The following THSD4 variants were observed in gnomAD, a reference collection of about 807,000 sequenced individuals.
The protein encoded by THSD4 is thrombospondin type-1 domain-containing protein 4.
A neutral mutation model predicts 119.0 loss-of-function variants in THSD4; 69 were observed. That is an observed-to-expected ratio of 0.58 (90% CI 0.48 to 0.71). The LOEUF is 0.71. Among genes scored for constraint, THSD4 ranks in the 30% least tolerant of loss-of-function variants. The pLI is 0.00. For missense variants in THSD4, 1,393 were observed against 1,391.1 expected (o/e 1.00, Z -0.02); for synonymous variants, 524 against 540.4 (o/e 0.97, Z 0.42).
intron 7 of THSD4, among the ~76,000 whole-genome samples, chr15:71,636,191 G>A (rs1394669814): frequency 2.0e-5 from 3 of 152,200 alleles, no homozygotes; most frequent in Non-Finnish European, 2.9e-5. Flanking sequence ...GGAGGCCGAG[G>A]CGGGTGGATC....
At chr15:71,409,877 T>C (rs184053606) in intron 6 of THSD4, among the ~76,000 whole-genome samples, 32 of 141,858 alleles carry the variant, frequency 2.3e-4, no homozygotes, top group Non-Finnish European at 4.8e-4. Context: ...TAGTCTTGTC[T>C]CCAAAACAGT....
Position 71,183,774 on chromosome 15 carries a change from C to T in THSD4, c.99+28842C>T, listed in dbSNP as rs1303239328. Among the ~76,000 whole-genome samples, 3 of 151,628 alleles carry T rather than the reference C, an allele frequency of 2.0e-5. No homozygotes were observed. The East Asian group carries it at 5.8e-4, about 29-fold the overall frequency. The stretch of plus-strand genomic sequence containing the variant: ...ACATCAGAGTTCCCCAGCCTTGAAA[C>T]TGTTGGTTTTGTGGACCAGATAATT... On this transcript the variant is annotated intron_variant, in intron 3 of 17. Coordinates refer to ENST00000261862, the MANE Select transcript of THSD4 (RefSeq NM_024817.3).
intron 7 of THSD4, among the ~76,000 whole-genome samples, chr15:71,455,500 G>A (rs564110424): frequency 2.0e-5 from 3 of 152,238 alleles, no homozygotes; most frequent in East Asian, 1.9e-4. Context: ...CCCTTAATGA[G>A]TAGCCATCAT....
At position 71,737,886 on chromosome 15, in the gene THSD4, C is replaced by T. The variant is rs1396268676; in HGVS notation, c.1785C>T (p.Asp595=). 6.2e-7 allele frequency: 1 copy of T among 1,614,244 alleles called. No individual in the cohort carries two copies. Among genetic ancestry groups the T allele is most frequent in the Admixed American group, 1.7e-5 (1 of 60,032 alleles). The change falls in exon 11 of 18, where the codon GAC becomes GAT. Residue 595 remains aspartate, a synonymous_variant. Coordinates refer to ENST00000261862, the MANE Select transcript of THSD4 (RefSeq NM_024817.3). ...SAQTFPVRHP[D]RFSPHRPDNL... is the part of the protein sequence containing the mutation. The stretch of plus-strand genomic sequence containing the variant: ...AGACCTTCCCAGTCAGGCATCCAGA[C>T]AGATTTTCTCCCCATCGACCGGACA...
Position 71,620,481 on chromosome 15 carries a change from C to T in THSD4, c.1153-40049C>T, listed in dbSNP as rs867658255. ...TTCGCCGGGCATGGTGGTGCATGCC[C>T]GGAGTCCCAGCTACTCAGGAGACTG... On this transcript the variant is annotated intron_variant, in intron 7 of 17. Transcript: ENST00000261862. 2.7e-4 allele frequency among the ~76,000 whole-genome samples: 41 copies of T among 151,884 alleles called. 1 individual carries two copies. The highest frequency in any genetic ancestry group is 6.3e-4 in the African/African-American group (26 of 41,402).
chr15:71,750,290 G>T (rs776692258), intron 14 of THSD4, among the ~76,000 whole-genome samples: 2 of 152,164 alleles, frequency 1.3e-5, no homozygotes, highest in Non-Finnish European at 2.9e-5. Context: ...GGCCACATTG[G>T]CTGACTCCAA....
At chr15:71,166,692 G>T (rs1030241910) in intron 3 of THSD4, among the ~76,000 whole-genome samples, 1 of 151,996 alleles carries the variant, frequency 6.6e-6, no homozygotes, top group African/African-American at 2.4e-5. Context: ...TTGCTCCCCC[G>T]GTGCTTTCCA....
At chr15:71,592,994 G>A (rs1032890335) in intron 7 of THSD4, among the ~76,000 whole-genome samples, 5 of 152,254 alleles carry the variant, frequency 3.3e-5, no homozygotes, top group African/African-American at 9.6e-5. Flanking sequence ...TGCACCTAGC[G>A]AAAATAGAGA....
In THSD4 at chr15:71,691,713, T is replaced by C. The variant is rs143232223; in HGVS notation, c.1357+30979T>C. 3.4e-3 allele frequency among the ~76,000 whole-genome samples: 523 copies of C among 152,342 alleles called. 7 individuals carry two copies. The highest frequency in any genetic ancestry group is 0.012 in the African/African-American group (508 of 41,580). On this transcript the variant is annotated intron_variant, in intron 8 of 17. Transcript: ENST00000261862. ...GAACTGTGCCTTTTCTTCCCTCCCC[T>C]GGGAAGTGTTTCTCTTTTTTTAGGG...
chr15:71,735,763 T>C (rs572385396), intron 10 of THSD4, among the ~76,000 whole-genome samples: 1 of 151,722 alleles, frequency 6.6e-6, no homozygotes, highest in Non-Finnish European at 1.5e-5. Flanking sequence ...GCTCTCTGTC[T>C]GTCTTCTTCT....
intron 7 of THSD4, among the ~76,000 whole-genome samples, chr15:71,532,891 C>A (rs1373437300): frequency 6.6e-6 from 1 of 152,166 alleles, no homozygotes; most frequent in Non-Finnish European, 1.5e-5. Context: ...CTGTCATTTT[C>A]CCACTGGTAA....
chr15:71,160,137 G>T (rs1282534754), intron 3 of THSD4, among the ~76,000 whole-genome samples: 1 of 152,014 alleles, frequency 6.6e-6, no homozygotes, highest in Non-Finnish European at 1.5e-5. Context: ...ATTTACATAT[G>T]TTGAATCATC....
chr15:71,641,539 C>G (rs1041290972), intron 7 of THSD4, among the ~76,000 whole-genome samples: 2 of 151,986 alleles, frequency 1.3e-5, no homozygotes, highest in East Asian at 3.9e-4. Context: ...AAAGGTTATG[C>G]GTCTTGCCTG....
chr15:71,745,003 T>A, intron 11 of THSD4, 103 bp from the exon 12 acceptor site: 5 of 1,450,954 alleles, frequency 3.4e-6, no homozygotes, highest in Non-Finnish European at 4.6e-6. Flanking sequence ...TCACTGTTTC[T>A]GTGCCCTCTC....
Position 71,336,799 on chromosome 15 carries a change from GGAGA to G in THSD4, c.1016-74884_1016-74881del, listed in dbSNP as rs367778213. Among the ~76,000 whole-genome samples, 436 of 152,338 alleles carry G rather than the reference GGAGA, an allele frequency of 2.9e-3. 4 individuals carry two copies. The highest frequency in any genetic ancestry group is 0.01 in the African/African-American group (416 of 41,572). On this transcript the variant is annotated intron_variant, in intron 6 of 17. Transcript: ENST00000261862. ...CAATCTAATTTTTCTGTAAGAAGTA[GGAGA>G]GAGTCTAAGAATGACATACAAACCT... is the stretch of plus-strand genomic sequence containing the variant.
intron 6 of THSD4, among the ~76,000 whole-genome samples, chr15:71,359,091 G>T (rs1171685917): frequency 6.6e-6 from 1 of 152,144 alleles, no homozygotes; most frequent in African/African-American, 2.4e-5. Flanking sequence ...TCAGTCTAAA[G>T]AGTCAACACC....
chr15:71,154,824 A>G lies in THSD4; in HGVS notation c.30-39A>G, dbSNP rs1404069443. The G allele has an allele frequency of 7.5e-6, 12 of 1,606,246 alleles. No individual in the cohort carries two copies. The Middle Eastern group carries it at 6.6e-4, about 89-fold the overall frequency. On this transcript the variant is annotated intron_variant, in intron 2 of 17. Transcript: ENST00000261862. ...TTCCCTGGGTGCTGCTGCCTGGAACATACTCACCATCCTGCCTGTTGCTAT... is the reference window on the plus strand; with the variant it reads ...TTCCCTGGGTGCTGCTGCCTGGAACGTACTCACCATCCTGCCTGTTGCTAT...
intron 7 of THSD4, among the ~76,000 whole-genome samples, chr15:71,604,932 G>A (rs115058765): frequency 0.011 from 1,680 of 152,220 alleles, 25 homozygotes; most frequent in African/African-American, 0.038. Context: ...ATAAAGGTCA[G>A]TAGGAAATGA....
intron 1 of THSD4, among the ~76,000 whole-genome samples, chr15:71,126,129 C>T (rs75529403): frequency 0.023 from 3,437 of 152,342 alleles, 51 homozygotes; most frequent in Middle Eastern, 0.065. Flanking sequence ...CAATCCATTT[C>T]CATCTCCGGG....
Sources: allele counts gnomAD v4.1 joint callset (sites outside exome capture counted in the v4.1 genomes callset), GRCh38; gene constraint gnomAD v4.1.1; transcripts MANE v1.5; gene names NCBI Gene and HGNC (gene_info 2026-07-23, HGNC 2026-07-21).